CHL1: variants seen among roughly 807,000 people sequenced by gnomAD.
CHL1 encodes the protein neural cell adhesion molecule L1-like protein.
In CHL1, 96 loss-of-function variants were observed where a neutral mutation model predicts 141.9. The ratio of observed to expected loss-of-function variants is 0.68; its 90% CI spans 0.57 to 0.80. The LOEUF (loss-of-function observed/expected upper bound fraction) is 0.80. Among genes scored for constraint, CHL1 ranks in the 30% least tolerant of loss-of-function variants. CHL1 has a pLI of 0.00. For synonymous variants in CHL1, 613 were observed against 502.2 expected, an observed-to-expected ratio of 1.22 and a Z score of -2.95; for missense variants, 1,820 against 1,457.2, an observed-to-expected ratio of 1.25 and a Z score of -4.05.
chr3:288,998 A>G (rs1321701119), intron 2 of CHL1, among the ~76,000 whole-genome samples: 2 of 152,052 alleles, frequency 1.3e-5, no homozygotes, highest in Non-Finnish European at 2.9e-5. Flanking sequence ...AGATACTTTT[A>G]ATCAACATTT....
chr3:255,895 G>T (rs1694111868), intron 2 of CHL1, among the ~76,000 whole-genome samples: 4 of 152,280 alleles, frequency 2.6e-5, no homozygotes, highest in African/African-American at 9.6e-5. Flanking sequence ...AGACAACTAG[G>T]GTTGTGAACC....
At position 284,761 on chromosome 3, in the gene CHL1, G is replaced by A. The variant is rs114766025; in HGVS notation, c.-94-34922G>A. Among the ~76,000 whole-genome samples, 1,230 of 124,108 alleles carry A rather than the reference G, an allele frequency of 9.9e-3. 15 individuals are homozygous for A. Among genetic ancestry groups the A allele is most frequent in the African/African-American group, 0.045 (1,178 of 25,946 alleles). The allele number at this position is 124,108 out of a possible 152,430, so 81.4% of individuals were successfully genotyped here. On this transcript the variant is annotated intron_variant, in intron 2 of 27. Coordinates refer to ENST00000256509, the MANE Select transcript of CHL1 (RefSeq NM_006614.4). ...CATTTAAAAGAAAGCAGGTAAATGC[G>A]TATTCATCTTTTTTTTTTTTTCTCC...
chr3:306,844 G>A (rs189662686), intron 2 of CHL1, among the ~76,000 whole-genome samples: 15 of 152,236 alleles, frequency 9.9e-5, no homozygotes, highest in African/African-American at 3.4e-4. Context: ...AATGCTTAAT[G>A]TTCACTAGCA....
intron 5 of CHL1, among the ~76,000 whole-genome samples, chr3:335,374 C>G (rs547171719): frequency 6.6e-6 from 1 of 152,288 alleles, no homozygotes; most frequent in East Asian, 1.9e-4. Context: ...TCATTATGAG[C>G]TCATGGACTG....
At position 360,335 on chromosome 3, in the gene CHL1, A is replaced by G. The variant is rs778684575; in HGVS notation, c.1217A>G (p.Asn406Ser). Residue 406 changes from asparagine to serine, a missense_variant, in exon 12 of 28, where the codon AAC becomes AGC. Physicochemically the swap from Asn to Ser is conservative, Grantham distance 46 (BLOSUM62 1). Transcript: ENST00000256509. ...VVFPREISFT[N>S]LQPNHTAVYQ... ...TTCCCCAGGGAAATCAGTTTTACCA[A>G]CCTTCAACCAAATCATACTGCTGTG... 9.9e-6 allele frequency: 16 copies of G among 1,613,734 alleles called. 1 individual carries two copies. The Admixed American group carries it at 2.2e-4, about 22-fold the overall frequency.
At chr3:215,682 A>G (rs1700260390) in intron 1 of CHL1, among the ~76,000 whole-genome samples, 2 of 152,152 alleles carry the variant, frequency 1.3e-5, no homozygotes, top group Admixed American at 6.5e-5. Context: ...TAAAAACACA[A>G]TTCAAAAATT....
chr3:337,197 T>G lies in CHL1; in HGVS notation c.386-3597T>G, dbSNP rs549581933. ...CAAACATTCTTTTGTTTTTGTTTTT[T>G]TTTTTTTTTTTGAGACGGGGTCTTG... On this transcript the variant is annotated intron_variant, in intron 5 of 27. Coordinates refer to ENST00000256509, the MANE Select transcript of CHL1 (RefSeq NM_006614.4). Among the ~76,000 whole-genome samples the G allele has an allele frequency of 7.5e-4, 109 of 146,246 alleles. 2 individuals carry two copies. In the East Asian group the frequency reaches 8.3e-3, roughly 11 times the overall value.
chr3:383,092 A>C (rs1057136668), intron 18 of CHL1, among the ~76,000 whole-genome samples: 9 of 152,182 alleles, frequency 5.9e-5, no homozygotes, highest in Non-Finnish European at 1.0e-4. Context: ...ATGACTGCTA[A>C]AATTTGTATT....
intron 11 of CHL1, among the ~76,000 whole-genome samples, chr3:360,032 T>C (rs975098222): frequency 2.0e-5 from 3 of 152,164 alleles, no homozygotes; most frequent in Non-Finnish European, 2.9e-5. Flanking sequence ...GGTATGGAAA[T>C]TCTGGGAGGT....
At chr3:395,647 T>A (rs931120785) in intron 24 of CHL1, among the ~76,000 whole-genome samples, 2 of 152,228 alleles carry the variant, frequency 1.3e-5, no homozygotes, top group Admixed American at 6.5e-5. Context: ...AAGAAGGATG[T>A]AGAAGATGGC....
intron 19 of CHL1, among the ~76,000 whole-genome samples, chr3:384,835 T>C (rs1231697572): frequency 1.3e-5 from 2 of 152,222 alleles, no homozygotes; most frequent in African/African-American, 4.8e-5. Context: ...AATTTTAGAA[T>C]GCACAAAGTT....
At position 407,022 on chromosome 3, in the gene CHL1, G is replaced by T. The variant is rs1346851263; in HGVS notation, c.*1311G>T. 1 of 151,962 alleles carries T rather than the reference G, an allele frequency of 6.6e-6. No homozygotes were observed. The highest frequency in any genetic ancestry group is 1.5e-5 in the Non-Finnish European group (1 of 67,970). The allele number at this position is 151,962 out of a possible 1,614,324, so 9.4% of individuals were successfully genotyped here. ...ATTTTTTCCCCGATATTCTCCTTCT[G>T]TCAAAGTCAGAACAAATTCAGGGAA... On this transcript the variant is annotated 3_prime_UTR_variant, in exon 28 of 28. Transcript: ENST00000256509.
chr3:371,192 T>G (rs1298088312), intron 15 of CHL1, among the ~76,000 whole-genome samples: 3 of 152,166 alleles, frequency 2.0e-5, no homozygotes, highest in Non-Finnish European at 4.4e-5. Flanking sequence ...TGTCTAATAT[T>G]GACAGTGGGT....
At chr3:396,943 G>A (rs866369273) in intron 24 of CHL1, among the ~76,000 whole-genome samples, 2 of 152,116 alleles carry the variant, frequency 1.3e-5, no homozygotes, top group African/African-American at 2.4e-5. Context: ...GGAACCTACT[G>A]CTATGCATCT....
intron 12 of CHL1, among the ~76,000 whole-genome samples, chr3:360,695 T>G (rs1424996636): frequency 5.4e-5 from 8 of 148,898 alleles, no homozygotes; most frequent in African/African-American, 7.6e-5. Context: ...ACCCACTAAC[T>G]CGTCATCTAG....
At chr3:272,312 A>G (rs1695705042) in intron 2 of CHL1, among the ~76,000 whole-genome samples, 1 of 152,124 alleles carries the variant, frequency 6.6e-6, no homozygotes, top group Non-Finnish European at 1.5e-5. Context: ...TGTTTTTTGT[A>G]TTCCTGTCAT....
At chr3:274,833 G>T (rs760261752) in intron 2 of CHL1, among the ~76,000 whole-genome samples, 14 of 152,102 alleles carry the variant, frequency 9.2e-5, no homozygotes, top group African/African-American at 1.4e-4. Flanking sequence ...TTCCTAGTGT[G>T]CAAGAAATAT....
intron 1 of CHL1, among the ~76,000 whole-genome samples, chr3:203,636 G>T (rs1282196835): frequency 3.3e-5 from 5 of 152,258 alleles, no homozygotes; most frequent in African/African-American, 1.2e-4. Context: ...GGAAGGTGAA[G>T]TTCCTGGAAG....
intron 2 of CHL1, among the ~76,000 whole-genome samples, chr3:303,538 GT>G (rs1013514467): frequency 6.6e-6 from 1 of 152,082 alleles, no homozygotes; most frequent in Admixed American, 6.5e-5. Flanking sequence ...CTCTCTGTTT[GT>G]TATTGGTGGA....
Sources: gnomAD v4.1 joint callset for allele counts (sites outside exome capture counted in the v4.1 genomes callset) on GRCh38, gnomAD v4.1.1 for gene constraint, MANE v1.5 for transcripts, NCBI Gene and HGNC (gene_info 2026-07-23, HGNC 2026-07-21) for gene names.